The following RYR3 variants were observed in gnomAD, a reference collection of about 807,000 sequenced individuals.
RYR3 encodes brain ryanodine receptor-calcium release channel.
RYR3 carries 207 observed loss-of-function variants against 584.3 expected under a neutral mutation model. That is an observed-to-expected ratio of 0.35 (90% CI 0.32 to 0.40). The LOEUF (loss-of-function observed/expected upper bound fraction) is 0.40. RYR3 is among the 10% of genes least tolerant of loss of function. RYR3 has a pLI of 1.00. For missense variants in RYR3, 5,616 were observed against 6,089.2 expected, an observed-to-expected ratio of 0.92 and a Z score of 2.59; for synonymous variants, 2,416 against 2,248.5, an observed-to-expected ratio of 1.07 and a Z score of -2.11.
At chr15:33,759,865 GA>G (rs2072253989) in intron 60 of RYR3, among the ~76,000 whole-genome samples, 2 of 152,098 alleles carry the variant, frequency 1.3e-5, no homozygotes, top group African/African-American at 4.8e-5. Flanking sequence ...TGAAATGAAG[GA>G]AAAAATGTTA....
At chr15:33,803,372 G>A (rs979204819) in intron 69 of RYR3, among the ~76,000 whole-genome samples, 1 of 152,194 alleles carries the variant, frequency 6.6e-6, no homozygotes, top group Admixed American at 6.5e-5. Context: ...ATGTAGACGA[G>A]GTTGAGTTTT....
intron 1 of RYR3, among the ~76,000 whole-genome samples, chr15:33,463,831 C>T (rs1409479353): frequency 1.3e-5 from 2 of 152,140 alleles, no homozygotes; most frequent in African/African-American, 4.8e-5. Flanking sequence ...CAACAGTCCT[C>T]CCTGTTGCTG....
At chr15:33,597,742 T>C (rs1353262054) in intron 16 of RYR3, among the ~76,000 whole-genome samples, 1 of 152,148 alleles carries the variant, frequency 6.6e-6, no homozygotes, top group Non-Finnish European at 1.5e-5. Context: ...TTTAGTCTTA[T>C]TTAGTATATA....
chr15:33,726,996 A>G (rs2068516002), intron 46 of RYR3, among the ~76,000 whole-genome samples: 1 of 152,226 alleles, frequency 6.6e-6, no homozygotes, highest in Non-Finnish European at 1.5e-5. Context: ...GTACAGACAG[A>G]CCTTGCTGTC....
At chr15:33,603,578 A>T (rs2059774916) in intron 18 of RYR3, among the ~76,000 whole-genome samples, 1 of 152,204 alleles carries the variant, frequency 6.6e-6, no homozygotes, top group Non-Finnish European at 1.5e-5. Context: ...AGTGCAGATC[A>T]CTTCTCTCAA....
At chr15:33,443,157 G>A (rs2046362936) in intron 1 of RYR3, among the ~76,000 whole-genome samples, 1 of 152,126 alleles carries the variant, frequency 6.6e-6, no homozygotes, top group African/African-American at 2.4e-5. Context: ...TACTCTGGAG[G>A]CTCAGGTGGG....
intron 1 of RYR3, among the ~76,000 whole-genome samples, chr15:33,418,341 T>A (rs923064815): frequency 2.5e-4 from 38 of 151,466 alleles, no homozygotes; most frequent in Admixed American, 4.6e-4. Flanking sequence ...TTTTTTTTTT[T>A]ATTATTATTG....
intron 60 of RYR3, among the ~76,000 whole-genome samples, chr15:33,758,702 G>A (rs1451066578): frequency 3.9e-5 from 6 of 152,186 alleles, no homozygotes; most frequent in South Asian, 2.1e-4. Context: ...GGGAAGGGGC[G>A]GCTGTGGGCG....
intron 5 of RYR3, among the ~76,000 whole-genome samples, chr15:33,538,029 C>A (rs2055479876): frequency 6.6e-6 from 1 of 150,576 alleles, no homozygotes; most frequent in African/African-American, 2.4e-5. Flanking sequence ...TTTTTCTTTT[C>A]CTTGGAAGGG....
chr15:33,842,835 C>G (rs555122585), intron 91 of RYR3, among the ~76,000 whole-genome samples: 1 of 152,296 alleles, frequency 6.6e-6, no homozygotes, highest in Middle Eastern at 3.4e-3. Context: ...GGAGTGATCA[C>G]GAAAATGCAG....
chr15:33,503,774 G>C (rs756448044), intron 3 of RYR3, 36 bp downstream of exon 3: 4 of 1,288,260 alleles, frequency 3.1e-6, no homozygotes, highest in Non-Finnish European at 4.5e-6. Flanking sequence ...TTGGGATTGG[G>C]GTGCACCACA....
intron 75 of RYR3, among the ~76,000 whole-genome samples, chr15:33,817,882 C>T (rs2076901967): frequency 6.6e-6 from 1 of 152,190 alleles, no homozygotes; most frequent in Admixed American, 6.5e-5. Flanking sequence ...AAATACGGTC[C>T]ACCCTGCTGG....
intron 1 of RYR3, among the ~76,000 whole-genome samples, chr15:33,462,830 A>C (rs1040776179): frequency 1.3e-5 from 2 of 152,098 alleles, no homozygotes; most frequent in African/African-American, 2.4e-5. Flanking sequence ...AGACTCATTA[A>C]CATTTATGAT....
chr15:33,648,690 T>C (rs557659827), intron 30 of RYR3, among the ~76,000 whole-genome samples: 3 of 152,206 alleles, frequency 2.0e-5, no homozygotes, highest in Non-Finnish European at 4.4e-5. Context: ...GTGCCCGCTC[T>C]CTCCTGCAGC....
chr15:33,418,898 G>T (rs1483327470), intron 1 of RYR3, among the ~76,000 whole-genome samples: 5 of 152,152 alleles, frequency 3.3e-5, no homozygotes, highest in Non-Finnish European at 7.4e-5. Context: ...ATGAGTTAAG[G>T]AATTAGTGGA....
At chr15:33,862,011 C>CACTGAATAACAAGTTACTTGA (rs1597120142) in intron 102 of RYR3, among the ~76,000 whole-genome samples, 1 of 152,020 alleles carries the variant, frequency 6.6e-6, no homozygotes, top group East Asian at 1.9e-4. Context: ...GTAAAGCATT[C>CACTGAATAACAAGTTACTTGA]ACTGAATAAC....
At chr15:33,566,446 G>A (rs2057719743) in intron 11 of RYR3, among the ~76,000 whole-genome samples, 2 of 152,162 alleles carry the variant, frequency 1.3e-5, no homozygotes, top group African/African-American at 4.8e-5. Flanking sequence ...TACCATGGTG[G>A]CACATAAAGT....
At chr15:33,635,172 G>T (rs2061441295) in intron 25 of RYR3, among the ~76,000 whole-genome samples, 1 of 152,182 alleles carries the variant, frequency 6.6e-6, no homozygotes, top group Non-Finnish European at 1.5e-5. Context: ...GTCATCCCAT[G>T]CCCCAGGAGG....
intron 93 of RYR3, 70 bp downstream of exon 93, chr15:33,845,132 G>A: frequency 6.5e-7 from 1 of 1,527,048 alleles, no homozygotes; most frequent in Non-Finnish European, 9.0e-7. Context: ...AGCCCAGCCA[G>A]CCCTTTGCTC....
Sources: gnomAD v4.1 joint callset for allele counts (sites outside exome capture counted in the v4.1 genomes callset) on GRCh38, gnomAD v4.1.1 for gene constraint, MANE v1.5 for transcripts, NCBI Gene and HGNC (gene_info 2026-07-23, HGNC 2026-07-21) for gene names.